Variants in STK32B observed in about 807,000 individuals in gnomAD.
The protein encoded by STK32B is serine/threonine-protein kinase 32B.
STK32B carries 43 observed loss-of-function variants against 52.6 expected under a neutral mutation model. The observed-to-expected ratio is 0.82, with a 90% CI of 0.64 to 1.05. The LOEUF (loss-of-function observed/expected upper bound fraction) is 1.05. Ranked by LOEUF, STK32B falls within the 50% of genes least tolerant of loss-of-function variation. The probability of loss-of-function intolerance (pLI) is 0.00; values close to 1 mark genes in which losing one functional copy is unlikely to be tolerated. For missense variants in STK32B, 621 were observed against 534.6 expected (o/e 1.16, Z -1.59); for synonymous variants, 238 against 204.3 (o/e 1.17, Z -1.41).
At chr4:5,342,703 A>G (rs893364162) in intron 4 of STK32B, among the ~76,000 whole-genome samples, 6 of 152,136 alleles carry the variant, frequency 3.9e-5, no homozygotes, top group East Asian at 1.9e-4. Flanking sequence ...CATCCAAACT[A>G]TATCACCTGC....
intron 3 of STK32B, among the ~76,000 whole-genome samples, chr4:5,315,608 C>T (rs1323613287): frequency 1.3e-5 from 2 of 151,634 alleles, no homozygotes; most frequent in African/African-American, 4.8e-5. Flanking sequence ...ATTATTAATA[C>T]CTCTGGAAAG....
At chr4:5,417,162 C>T (rs1712235397) in intron 6 of STK32B, among the ~76,000 whole-genome samples, 1 of 152,224 alleles carries the variant, frequency 6.6e-6, no homozygotes, top group Non-Finnish European at 1.5e-5. Flanking sequence ...AGAACTCCTG[C>T]TCAGCCAGAG....
At chr4:5,069,217 G>A (rs2108765531) in intron 1 of STK32B, among the ~76,000 whole-genome samples, 1 of 144,134 alleles carries the variant, frequency 6.9e-6, no homozygotes, top group East Asian at 2.0e-4. Flanking sequence ...TTTTGAGATG[G>A]AGTCTCGCTC....
At chr4:5,360,586 T>C (rs552988753) in intron 4 of STK32B, among the ~76,000 whole-genome samples, 5 of 152,290 alleles carry the variant, frequency 3.3e-5, no homozygotes, top group Admixed American at 6.5e-5. Context: ...GTACACAGCA[T>C]GTTTTATGGT....
intron 3 of STK32B, among the ~76,000 whole-genome samples, chr4:5,180,598 G>T (rs1012766510): frequency 2.0e-5 from 3 of 152,084 alleles, no homozygotes; most frequent in African/African-American, 7.2e-5. Flanking sequence ...CTCTTTGGTG[G>T]CCTCTCTCTC....
At chr4:5,324,300 G>A (rs1731729299) in intron 3 of STK32B, among the ~76,000 whole-genome samples, 1 of 152,172 alleles carries the variant, frequency 6.6e-6, no homozygotes, top group African/African-American at 2.4e-5. Context: ...GTTGCAGTGA[G>A]CCAAGATTGC....
At chr4:5,468,215 G>T (rs139850850) in intron 11 of STK32B, 145 bp downstream of exon 11, 19 of 767,086 alleles carry the variant, frequency 2.5e-5, no homozygotes, top group South Asian at 4.9e-5. Flanking sequence ...GGGCTCTGGT[G>T]GGGGGTGAAA....
intron 3 of STK32B, among the ~76,000 whole-genome samples, chr4:5,269,505 C>T (rs149330968): frequency 6.6e-6 from 1 of 152,196 alleles, no homozygotes; most frequent in Non-Finnish European, 1.5e-5. Flanking sequence ...AGAAGCAAGG[C>T]AGTGTGAGGC....
intron 7 of STK32B, among the ~76,000 whole-genome samples, chr4:5,452,898 A>C (rs554450627): frequency 2.6e-5 from 4 of 152,172 alleles, no homozygotes; most frequent in African/African-American, 9.6e-5. Flanking sequence ...ACTTTACCTT[A>C]TAAATACCAC....
chr4:5,043,091 C>T, the STK32B span, among the ~76,000 whole-genome samples: 8 of 123,206 alleles, frequency 6.5e-5, no homozygotes, highest in African/African-American at 2.5e-4. Flanking sequence ...CCGGCCTGGG[C>T]GACAGAGCGA....
rs143256462 is a variant in STK32B, at chr4:5,356,197, A to G, written c.434+24804A>G. The stretch of plus-strand genomic sequence containing the variant: ...GACACCTTTCTTGCCTTCTGGTAGC[A>G]TTCCTCAGCCTGTGGCAGCATCACT... On this transcript the variant is annotated intron_variant, in intron 4 of 11. Coordinates refer to ENST00000282908, the MANE Select transcript of STK32B (RefSeq NM_018401.3). Among the ~76,000 whole-genome samples the G allele has an allele frequency of 3.0e-3, 464 of 152,214 alleles. 1 individual carries two copies. Among genetic ancestry groups the G allele is most frequent in the Admixed American group, 0.022 (333 of 15,292 alleles).
intron 3 of STK32B, among the ~76,000 whole-genome samples, chr4:5,215,619 G>C (rs1723138239): frequency 6.6e-6 from 1 of 152,034 alleles, no homozygotes; most frequent in African/African-American, 2.4e-5. Flanking sequence ...AATCCTTATT[G>C]CTTGGCTTCT....
intron 3 of STK32B, among the ~76,000 whole-genome samples, chr4:5,306,917 A>G (rs774790172): frequency 6.6e-6 from 1 of 152,140 alleles, no homozygotes; most frequent in Non-Finnish European, 1.5e-5. Context: ...CCTGCACACA[A>G]AATTCTTGGC....
chr4:5,044,089 C>T, the STK32B span, among the ~76,000 whole-genome samples: 2 of 152,252 alleles, frequency 1.3e-5, no homozygotes, highest in East Asian at 1.9e-4. Flanking sequence ...CAGCTATTCT[C>T]GGAGGCAGGT....
At chr4:5,164,622 C>T (rs1372766705) in intron 2 of STK32B, among the ~76,000 whole-genome samples, 1 of 152,164 alleles carries the variant, frequency 6.6e-6, no homozygotes, top group Non-Finnish European at 1.5e-5. Context: ...TGGAGTGGGC[C>T]CTTTTCCAGG....
rs115626962 is a variant in STK32B at position 5,464,750 on chromosome 4, T to C, written c.910-1953T>C. On this transcript the variant is annotated intron_variant, in intron 9 of 11. Coordinates refer to ENST00000282908, the MANE Select transcript of STK32B (RefSeq NM_018401.3). ...CAAGGTTAGGCAACTTGCCCAAGAT[T>C]TCTCAGTGAGAAATTGAGAGTTTGA... 4.8e-3 allele frequency among the ~76,000 whole-genome samples: 729 copies of C among 152,278 alleles called. 3 individuals carry two copies. Among genetic ancestry groups the C allele is most frequent in the African/African-American group, 0.015 (620 of 41,556 alleles).
At chr4:5,171,795 T>C (rs1719393600) in intron 3 of STK32B, among the ~76,000 whole-genome samples, 1 of 149,824 alleles carries the variant, frequency 6.7e-6, no homozygotes. Context: ...ATGTGGGCTC[T>C]GTTTTGGTTC....
intron 2 of STK32B, among the ~76,000 whole-genome samples, chr4:5,149,387 C>A (rs1717167524): frequency 6.6e-6 from 1 of 151,702 alleles, no homozygotes; most frequent in African/African-American, 2.4e-5. Flanking sequence ...TTTCTTCTTA[C>A]CTCTTCTTTT....
chr4:5,322,044 GT>G (rs1731537841), intron 3 of STK32B, among the ~76,000 whole-genome samples: 2 of 144,494 alleles, frequency 1.4e-5, no homozygotes, highest in South Asian at 4.4e-4. Flanking sequence ...GGGGTGGGGG[GT>G]TGGGCTGGCT....
Sources: gnomAD v4.1 joint callset for allele counts (sites outside exome capture counted in the v4.1 genomes callset) on GRCh38, gnomAD v4.1.1 for gene constraint, MANE v1.5 for transcripts, NCBI Gene and HGNC (gene_info 2026-07-23, HGNC 2026-07-21) for gene names.